Variants in CENPP observed in about 807,000 individuals in gnomAD.
CENPP encodes centromere protein P.
A neutral mutation model predicts 35.6 loss-of-function variants in CENPP; 24 were observed. That is an observed-to-expected ratio of 0.67 (90% CI 0.49 to 0.95). The LOEUF (loss-of-function observed/expected upper bound fraction) is 0.95. CENPP is among the 40% of genes least tolerant of loss of function. CENPP has a pLI of 0.00. For missense variants in CENPP, 332 were observed against 345.3 expected, an observed-to-expected ratio of 0.96 and a Z score of 0.31; for synonymous variants, 120 against 125.5, an observed-to-expected ratio of 0.96 and a Z score of 0.29.
intron 5 of CENPP, among the ~76,000 whole-genome samples, chr9:92,531,533 T>C (rs1017444102): frequency 5.3e-5 from 8 of 152,204 alleles, no homozygotes; most frequent in African/African-American, 1.9e-4. Context: ...TTGCGCCAGA[T>C]AATTCTTTTT....
chr9:92,502,791 A>ATT (rs1290005357), intron 5 of CENPP: 10 of 584,302 alleles, frequency 1.7e-5, no homozygotes, highest in Non-Finnish European at 2.3e-5. Context: ...GTAAGCTCAT[A>ATT]TTTTTAAGTT....
At chr9:92,449,829 A>G (rs901824615) in intron 5 of CENPP, among the ~76,000 whole-genome samples, 2 of 152,164 alleles carry the variant, frequency 1.3e-5, no homozygotes, top group Admixed American at 6.5e-5. Flanking sequence ...AGGCCTCCCC[A>G]GAAGCAGACT....
intron 5 of CENPP, among the ~76,000 whole-genome samples, chr9:92,454,378 G>A (rs932344479): frequency 1.3e-5 from 2 of 152,076 alleles, no homozygotes; most frequent in Non-Finnish European, 2.9e-5. Context: ...TCAGATCATA[G>A]ATAAATCTGT....
chr9:92,450,381 C>T (rs1344202032), intron 5 of CENPP, among the ~76,000 whole-genome samples: 16 of 151,658 alleles, frequency 1.1e-4, no homozygotes, highest in East Asian at 9.7e-4. Context: ...TTACTGAGAA[C>T]GATGATTTCC....
At chr9:92,496,182 G>A in intron 5 of CENPP, 1 of 1,393,688 alleles carries the variant, frequency 7.2e-7, no homozygotes, top group Non-Finnish European at 9.3e-7. Context: ...TCATCTGTGT[G>A]TTAGTGAATC....
At position 92,515,295 on chromosome 9, in the gene CENPP, TTCCC is replaced by T. The variant is rs1179358248; in HGVS notation, c.565-96015_565-96012del. ...ATGAAAATGAGGTTAGTAAATATTATTCCCTCCAAGTATTTGAGTGCAATTTAAA... is the reference window on the plus strand; with the variant it reads ...ATGAAAATGAGGTTAGTAAATATTATTCCAAGTATTTGAGTGCAATTTAAA... On this transcript the variant is annotated intron_variant, in intron 5 of 7. Coordinates refer to ENST00000375587, the MANE Select transcript of CENPP (RefSeq NM_001012267.3). 2.2e-6 allele frequency: 3 copies of T among 1,347,322 alleles called. No homozygotes were observed. In the East Asian group the frequency reaches 8.1e-5, roughly 36 times the overall value. 83.5% of individuals were successfully genotyped at this position (1,347,322 alleles called of 1,614,324 possible). A position where few individuals can be genotyped will look rare whatever the true frequency, so the allele number is the denominator to read the frequency against.
chr9:92,428,738 A>C (rs1227251545), intron 5 of CENPP, among the ~76,000 whole-genome samples: 1 of 152,084 alleles, frequency 6.6e-6, no homozygotes, highest in African/African-American at 2.4e-5. Context: ...TGTTACTTCC[A>C]GTGATGCTTT....
chr9:92,457,373 G>C (rs751232189), intron 5 of CENPP: 2 of 1,613,584 alleles, frequency 1.2e-6, no homozygotes, highest in Non-Finnish European at 1.7e-6. Context: ...GTATTTCACC[G>C]GGTTGTTGAA....
intron 5 of CENPP, chr9:92,474,609 G>T: frequency 1.3e-6 from 2 of 1,590,040 alleles, no homozygotes; most frequent in South Asian, 2.4e-5. Flanking sequence ...AAACAAAATC[G>T]ACTTATATTC....
rs1448777201 is a variant in CENPP, at chr9:92,532,026, TTTATTTTA to T, written c.565-79285_565-79278del. 8.5e-5 allele frequency among the ~76,000 whole-genome samples: 11 copies of T among 128,930 alleles called. 3 individuals are homozygous for T. The highest frequency in any genetic ancestry group is 1.4e-4 in the African/African-American group (4 of 29,010). The allele number at this position is 128,930 out of a possible 152,430, so 84.6% of individuals were successfully genotyped here. ...TTTTTTTATTTAATGTTTTTTTTTT[TTTATTTTA>T]TTTTTTTTTTGAGATGAGGTCTCAC... On this transcript the variant is annotated intron_variant, in intron 5 of 7. Coordinates refer to ENST00000375587, the MANE Select transcript of CENPP (RefSeq NM_001012267.3).
chr9:92,457,597 G>C, intron 5 of CENPP: 1 of 761,380 alleles, frequency 1.3e-6, no homozygotes, highest in South Asian at 1.8e-5. Context: ...TTTTACATTG[G>C]CTTGAATGTA....
chr9:92,615,660 G>A lies in CENPP; in HGVS notation c.*2511G>A. On this transcript the variant is annotated 3_prime_UTR_variant, in exon 8 of 8. Coordinates refer to ENST00000375587, the MANE Select transcript of CENPP (RefSeq NM_001012267.3). ...ACTCACTTCCTACATTCCTTGTCCA[G>A]GAAGTTGTTTCTAGTGCTCTTCAAT... 1 of 587,734 alleles carries A rather than the reference G, an allele frequency of 1.7e-6. No homozygotes were observed. The highest frequency in any genetic ancestry group is 3.0e-6 in the Non-Finnish European group (1 of 330,078). 36.4% of individuals were successfully genotyped at this position (587,734 alleles called of 1,614,324 possible). A position where few individuals can be genotyped will look rare whatever the true frequency, so the allele number is the denominator to read the frequency against.
At chr9:92,502,655 ATAAT>A in intron 5 of CENPP, 1 of 1,557,806 alleles carries the variant, frequency 6.4e-7, no homozygotes, top group Non-Finnish European at 8.8e-7. Flanking sequence ...TATAATTCCT[ATAAT>A]TAAGAGAGAA....
intron 4 of CENPP, among the ~76,000 whole-genome samples, chr9:92,371,861 TTTG>T (rs1351385962): frequency 6.7e-6 from 1 of 150,284 alleles, no homozygotes; most frequent in Non-Finnish European, 1.5e-5. Flanking sequence ...TAATGACCTA[TTTG>T]TTGTTGTTTT....
chr9:92,596,445 C>A (rs1346164610), intron 5 of CENPP, among the ~76,000 whole-genome samples: 56 of 72,012 alleles, frequency 7.8e-4, no homozygotes, highest in African/African-American at 1.1e-3. Flanking sequence ...GACCCTGTGT[C>A]AAAAAAAAAA....
At chr9:92,578,066 T>TG (rs768379932) in intron 5 of CENPP, among the ~76,000 whole-genome samples, 9 of 151,776 alleles carry the variant, frequency 5.9e-5, no homozygotes, top group Non-Finnish European at 1.3e-4. Flanking sequence ...TTTTTGTTCT[T>TG]GCAATAGTTT....
chr9:92,515,065 C>T (rs764113489), intron 5 of CENPP: 3 of 1,613,966 alleles, frequency 1.9e-6, no homozygotes, highest in Middle Eastern at 1.6e-4. Context: ...TGCTTCTTTT[C>T]TTACTATTCG....
chr9:92,474,922 C>G (rs1287879806), intron 5 of CENPP: 56 of 1,582,418 alleles, frequency 3.5e-5, no homozygotes, highest in East Asian at 4.5e-5. Flanking sequence ...GAAGACCAGT[C>G]TAGGACTAAA....
chr9:92,489,234 A>C (rs923633483), intron 5 of CENPP, among the ~76,000 whole-genome samples: 23 of 152,244 alleles, frequency 1.5e-4, no homozygotes, highest in Admixed American at 5.2e-4. Flanking sequence ...CACAGTTTAC[A>C]GTAGATTTTC....
Sources: gnomAD v4.1 joint callset for allele counts (sites outside exome capture counted in the v4.1 genomes callset) on GRCh38, gnomAD v4.1.1 for gene constraint, MANE v1.5 for transcripts, NCBI Gene and HGNC (gene_info 2026-07-23, HGNC 2026-07-21) for gene names.